Variants in SETBP1 observed in about 807,000 individuals in gnomAD.
SETBP1 encodes SET-binding protein.
SETBP1 carries 9 observed loss-of-function variants against 101.0 expected under a neutral mutation model. That is an observed-to-expected ratio of 0.09 (90% confidence interval 0.05 to 0.16). SETBP1 has a LOEUF of 0.16. Ranked by LOEUF, SETBP1 falls within the 10% of genes least tolerant of loss-of-function variation. The pLI, the probability that SETBP1 is intolerant of heterozygous loss-of-function variation, is 1.00. For missense variants in SETBP1, 1,858 were observed against 2,033.8 expected (o/e 0.91, Z 1.66); for synonymous variants, 818 against 788.5 (o/e 1.04, Z -0.63).
chr18:44,910,620 C>T (rs1439324794), intron 3 of SETBP1, among the ~76,000 whole-genome samples: 5 of 152,182 alleles, frequency 3.3e-5, no homozygotes, highest in Non-Finnish European at 7.3e-5. Flanking sequence ...ATTGGAAGGC[C>T]TTAACATCTT....
chr18:44,734,484 G>T (rs2144418705), intron 2 of SETBP1, among the ~76,000 whole-genome samples: 1 of 152,228 alleles, frequency 6.6e-6, no homozygotes, highest in Admixed American at 6.5e-5. Flanking sequence ...GACATTCTAG[G>T]ATCTTCCCAT....
intron 3 of SETBP1, among the ~76,000 whole-genome samples, chr18:44,943,998 C>G (rs779864973): frequency 6.6e-5 from 10 of 151,936 alleles, no homozygotes; most frequent in Non-Finnish European, 1.5e-5. Flanking sequence ...TGATACCCAT[C>G]TAATTTTTGT....
At chr18:44,875,977 G>A (rs1046114849) in intron 3 of SETBP1, among the ~76,000 whole-genome samples, 3 of 152,292 alleles carry the variant, frequency 2.0e-5, no homozygotes, top group Middle Eastern at 3.4e-3. Flanking sequence ...CTGCACCTTC[G>A]TTTTTGAAGA....
At chr18:44,815,725 G>A (rs969628408) in intron 2 of SETBP1, among the ~76,000 whole-genome samples, 2 of 152,210 alleles carry the variant, frequency 1.3e-5, no homozygotes, top group Admixed American at 1.3e-4. Context: ...AATTGGGATT[G>A]TCAAATTTTC....
At chr18:44,837,798 T>C (rs2072529387) in intron 2 of SETBP1, among the ~76,000 whole-genome samples, 1 of 152,222 alleles carries the variant, frequency 6.6e-6, no homozygotes, top group Non-Finnish European at 1.5e-5. Context: ...GACCTATCCA[T>C]ATCAATTCCA....
intron 3 of SETBP1, among the ~76,000 whole-genome samples, chr18:44,932,344 C>T (rs1375614906): frequency 2.6e-5 from 4 of 152,142 alleles, no homozygotes; most frequent in African/African-American, 4.8e-5. Context: ...GTGGGTAACC[C>T]GACCTTTATC....
chr18:44,812,750 G>A (rs2071890216), intron 2 of SETBP1, among the ~76,000 whole-genome samples: 1 of 152,264 alleles, frequency 6.6e-6, no homozygotes, highest in East Asian at 1.9e-4. Context: ...ATGTGAACTG[G>A]GATGAAGCCA....
intron 2 of SETBP1, among the ~76,000 whole-genome samples, chr18:44,846,212 A>G (rs2144555966): frequency 1.3e-5 from 2 of 152,320 alleles, no homozygotes; most frequent in Middle Eastern, 6.8e-3. Flanking sequence ...AAAATAATCC[A>G]GATATCTAGT....
intron 5 of SETBP1, among the ~76,000 whole-genome samples, chr18:45,040,119 T>C (rs2073479941): frequency 6.6e-6 from 1 of 152,108 alleles, no homozygotes; most frequent in South Asian, 2.1e-4. Context: ...TTGGAAATGG[T>C]GTTCTCTCCA....
At chr18:44,953,510 T>C (rs2071415284) in intron 4 of SETBP1, among the ~76,000 whole-genome samples, 170 bp downstream of exon 4, 1 of 152,234 alleles carries the variant, frequency 6.6e-6, no homozygotes, top group South Asian at 2.1e-4. Context: ...GTACATTGTT[T>C]ACTTGGTATT....
chr18:44,930,776 G>A (rs1447375414), intron 3 of SETBP1, among the ~76,000 whole-genome samples: 13 of 151,950 alleles, frequency 8.6e-5, no homozygotes, highest in Admixed American at 8.5e-4. Context: ...TGGGATTGGT[G>A]GTGATATCCC....
chr18:44,953,206 A>G lies in SETBP1; in HGVS notation c.3866A>G (p.Asp1289Gly). The G allele has an allele frequency of 1.2e-6, 2 of 1,614,144 alleles. No homozygotes were observed. Among genetic ancestry groups the G allele is most frequent in the Non-Finnish European group, 1.7e-6 (2 of 1,180,032 alleles). The change falls in exon 4 of 6, where the codon GAC becomes GGC. Residue 1289 changes from aspartate to glycine, a missense_variant. Transcript: ENST00000649279. Reference protein sequence around the residue: ...DVFSEMNPSNDKWDSDVSGSK... With the variant: ...DVFSEMNPSNGKWDSDVSGSK... The stretch of plus-strand genomic sequence containing the variant: ...TTCAGTGAAATGAACCCTTCGAATG[A>G]CAAGTGGGACAGTGACGTGAGTGGG...
chr18:44,783,833 G>C (rs2071185612), intron 2 of SETBP1, among the ~76,000 whole-genome samples: 1 of 152,198 alleles, frequency 6.6e-6, no homozygotes, highest in African/African-American at 2.4e-5. Flanking sequence ...TGGATGTTGA[G>C]ACTTCAAATT....
intron 4 of SETBP1, among the ~76,000 whole-genome samples, chr18:45,013,200 A>T (rs916705671): frequency 2.6e-5 from 4 of 152,160 alleles, no homozygotes; most frequent in African/African-American, 9.6e-5. Flanking sequence ...CTGGAGGCTG[A>T]GATAACATGG....
At chr18:44,695,833 G>C (rs541025982) in intron 1 of SETBP1, among the ~76,000 whole-genome samples, 1 of 151,738 alleles carries the variant, frequency 6.6e-6, no homozygotes, top group African/African-American at 2.4e-5. Flanking sequence ...AAAATAATAA[G>C]CTAGTGAAGT....
intron 4 of SETBP1, among the ~76,000 whole-genome samples, chr18:44,967,870 C>T (rs2071754375): frequency 6.6e-6 from 1 of 152,188 alleles, no homozygotes; most frequent in Admixed American, 6.5e-5. Context: ...TCTGGCTTTG[C>T]ACATGCCATT....
intron 3 of SETBP1, among the ~76,000 whole-genome samples, chr18:44,932,966 C>T (rs528118652): frequency 6.6e-6 from 1 of 152,352 alleles, no homozygotes; most frequent in East Asian, 1.9e-4. Flanking sequence ...CAAAGTCATT[C>T]TCTCTCCGGC....
intron 3 of SETBP1, among the ~76,000 whole-genome samples, chr18:44,882,725 G>A (rs1440159740): frequency 2.0e-5 from 3 of 152,120 alleles, no homozygotes; most frequent in Non-Finnish European, 2.9e-5. Context: ...CATGGGATCA[G>A]ACAGGAAGAA....
Position 44,701,634 on chromosome 18 carries a change from A to G in SETBP1, c.288A>G (p.Ala96=), listed in dbSNP as rs368521359. Residue 96 remains alanine (A), a synonymous_variant, in exon 2 of 6, where the codon GCA becomes GCG. Transcript: ENST00000649279. ...LEEQEFSIKE[A]NFTEGSLKLK... ...AGCAGGAATTTTCTATCAAGGAGGC[A>G]AACTTCACAGAGGGAAGTCTGAAGC... 54 of 1,614,068 alleles carry G rather than the reference A, an allele frequency of 3.3e-5. No homozygotes were observed. The highest frequency in any genetic ancestry group is 4.2e-5 in the Non-Finnish European group (49 of 1,180,036).
Sources: gnomAD v4.1 joint callset for allele counts (sites outside exome capture counted in the v4.1 genomes callset) on GRCh38, gnomAD v4.1.1 for gene constraint, MANE v1.5 for transcripts, NCBI Gene and HGNC (gene_info 2026-07-23, HGNC 2026-07-21) for gene names.